The following NAA15 variants were observed in gnomAD, a reference collection of about 807,000 sequenced individuals.
NAA15 encodes N-terminal acetyltransferase.
In NAA15, 34 loss-of-function variants were observed where a neutral mutation model predicts 114.0. That is an observed-to-expected ratio of 0.30 (90% CI 0.23 to 0.40). The LOEUF is 0.40. Ranked by LOEUF, NAA15 falls within the 10% of genes least tolerant of loss-of-function variation. NAA15 has a pLI of 1.00. For missense variants in NAA15, 658 were observed against 1,004.5 expected, an observed-to-expected ratio of 0.66 and a Z score of 4.66; for synonymous variants, 340 against 338.0, an observed-to-expected ratio of 1.01 and a Z score of -0.06.
intron 1 of NAA15, among the ~76,000 whole-genome samples, chr4:139,305,449 T>G (rs903279360): frequency 2.0e-5 from 3 of 152,286 alleles, no homozygotes; most frequent in Admixed American, 2.0e-4. Flanking sequence ...AGATTTTTTT[T>G]TTTTTTGCCC....
In NAA15 at chr4:139,387,170, C is replaced by T. The variant is rs1461939933; in HGVS notation, c.2401-714C>T. Among the ~76,000 whole-genome samples, 3 of 152,140 alleles carry T rather than the reference C, an allele frequency of 2.0e-5. No homozygotes were observed. The East Asian group carries it at 5.8e-4, about 29-fold the overall frequency. ...GGATTTAAGTTGCTTTGTAACCTGG[C>T]AAAGTTTGTAGGGATTTTTGCATGT... On this transcript the variant is annotated intron_variant, in intron 19 of 19. Coordinates refer to ENST00000296543, the MANE Select transcript of NAA15 (RefSeq NM_057175.5).
rs1746348982 is a variant in NAA15, at chr4:139,315,012, TTAGGTTAGGTTAGG to T, written c.54+13183_54+13196del. Among the ~76,000 whole-genome samples the T allele has an allele frequency of 1.2e-4, 13 of 106,102 alleles. 1 individual carries two copies. The highest frequency in any genetic ancestry group is 2.8e-4 in the Admixed American group (3 of 10,774). 69.6% of individuals were successfully genotyped at this position (106,102 alleles called of 152,430 possible). ...TCAGTTCAGTTCAGTTTAGTTTAGG[TTAGGTTAGGTTAGG>T]TTAGGTTAGGTTAGGTTAGGTTAGG... On this transcript the variant is annotated intron_variant, in intron 1 of 19. Coordinates refer to ENST00000296543, the MANE Select transcript of NAA15 (RefSeq NM_057175.5).
At chr4:139,347,149 T>A (rs925815117) in intron 6 of NAA15, among the ~76,000 whole-genome samples, 9 of 152,186 alleles carry the variant, frequency 5.9e-5, no homozygotes, top group African/African-American at 1.9e-4. Context: ...TTGGCGCTGT[T>A]GACATTTTGG....
intron 1 of NAA15, among the ~76,000 whole-genome samples, chr4:139,325,506 G>A (rs923135839): frequency 2.0e-5 from 3 of 152,052 alleles, no homozygotes; most frequent in East Asian, 1.9e-4. Flanking sequence ...AAATGTTACC[G>A]AGGAGTCTCT....
intron 1 of NAA15, among the ~76,000 whole-genome samples, chr4:139,324,319 G>C (rs1746718137): frequency 6.6e-6 from 1 of 152,192 alleles, no homozygotes; most frequent in Non-Finnish European, 1.5e-5. Context: ...GTTAGATTTT[G>C]AACTAACATA....
chr4:139,390,241 G>C lies in NAA15; in HGVS notation c.*2157G>C, dbSNP rs945382485. On this transcript the variant is annotated 3_prime_UTR_variant, in exon 20 of 20. Transcript: ENST00000296543. ...CCGTGAGGAGCTAAATTCCTAATGT[G>C]TATTGTATTCCAACCCAATTTTACT... The C allele has an allele frequency of 6.6e-6, 1 of 152,624 alleles. No individual in the cohort carries two copies. The highest frequency in any genetic ancestry group is 2.4e-5 in the African/African-American group (1 of 41,442). The allele number at this position is 152,624 out of a possible 1,614,324, so 9.5% of individuals were successfully genotyped here. A position where few individuals can be genotyped will look rare whatever the true frequency, so the allele number is the denominator to read the frequency against.
rs1403254522 is a variant in NAA15 at position 139,330,545 on chromosome 4, A to C, written c.55-3629A>C. 5.3e-5 allele frequency among the ~76,000 whole-genome samples: 8 copies of C among 152,326 alleles called. No homozygotes were observed. The East Asian group carries it at 7.7e-4, about 15-fold the overall frequency. On this transcript the variant is annotated intron_variant, in intron 1 of 19. Transcript: ENST00000296543. ...CTGATAGGACCTACCAGAGGACAGAAGTATAAGGGAAGGAGAAGCACCAAA... is the reference window on the plus strand; with the variant it reads ...CTGATAGGACCTACCAGAGGACAGACGTATAAGGGAAGGAGAAGCACCAAA...
intron 1 of NAA15, among the ~76,000 whole-genome samples, chr4:139,323,053 CTTTT>C (rs67137305): frequency 1.0e-3 from 117 of 117,474 alleles, no homozygotes; most frequent in Non-Finnish European, 1.4e-3. Context: ...CTTTTCTTTT[CTTTT>C]TTTTTTTTTT....
At chr4:139,352,619 G>C (rs1747815530) in intron 9 of NAA15, among the ~76,000 whole-genome samples, 1 of 135,804 alleles carries the variant, frequency 7.4e-6, no homozygotes, top group African/African-American at 2.7e-5. Context: ...TTTGATTGCT[G>C]TTTCACTTGT....
chr4:139,355,574 T>C (rs1210104868), intron 10 of NAA15, among the ~76,000 whole-genome samples: 1 of 152,110 alleles, frequency 6.6e-6, no homozygotes, highest in Non-Finnish European at 1.5e-5. Context: ...TTTTAAAAAA[T>C]TAAATAAAAT....
rs538841439 is a variant in NAA15, at chr4:139,307,163, C to T, written c.54+5332C>T. ...TGAGAAATCTACCATTTGCCAGGCT[C>T]TGCTCTAGGTGCTTTAGAATAGCAC... On this transcript the variant is annotated intron_variant, in intron 1 of 19. Transcript: ENST00000296543. Among the ~76,000 whole-genome samples the T allele has an allele frequency of 1.6e-4, 25 of 152,326 alleles. 1 individual carries two copies. In the South Asian group the frequency reaches 4.6e-3, roughly 28 times the overall value.
chr4:139,346,315 T>A, intron 6 of NAA15, among the ~76,000 whole-genome samples: 1 of 152,192 alleles, frequency 6.6e-6, no homozygotes, highest in East Asian at 1.9e-4. Flanking sequence ...GAAATAAGGC[T>A]ATCAGCTCAT....
At chr4:139,328,488 G>A (rs1473970039) in intron 1 of NAA15, among the ~76,000 whole-genome samples, 1 of 151,856 alleles carries the variant, frequency 6.6e-6, no homozygotes, top group Non-Finnish European at 1.5e-5. Context: ...GATTACAGGC[G>A]TGAGCCACCA....
chr4:139,310,225 C>T (rs192106946), intron 1 of NAA15, among the ~76,000 whole-genome samples: 2,396 of 152,074 alleles, frequency 0.016, 63 homozygotes, highest in African/African-American at 0.052. Context: ...GAGGCCGAGG[C>T]GGGCGGATCA....
chr4:139,324,481 A>G (rs566736945), intron 1 of NAA15, among the ~76,000 whole-genome samples: 79 of 152,338 alleles, frequency 5.2e-4, no homozygotes, highest in African/African-American at 1.8e-3. Flanking sequence ...GTTTAATGCA[A>G]TGATTCTTCT....
intron 5 of NAA15, 104 bp from the exon 6 acceptor site, chr4:139,344,082 C>A: frequency 1.0e-6 from 1 of 984,344 alleles, no homozygotes; most frequent in Non-Finnish European, 1.5e-6. Context: ...TTTTATCAAC[C>A]GGATGTTATC....
Position 139,371,045 on chromosome 4 carries a change from T to G in NAA15, c.1947+641T>G, listed in dbSNP as rs189302643. ...AACCATTTTGATTAATAACATTCCT[T>G]TGTCCTTTCTTTTGACCCTAGACAT... On this transcript the variant is annotated intron_variant, in intron 15 of 19. Coordinates refer to ENST00000296543, the MANE Select transcript of NAA15 (RefSeq NM_057175.5). Among the ~76,000 whole-genome samples, 6 of 152,330 alleles carry G rather than the reference T, an allele frequency of 3.9e-5. No homozygotes were observed. In the East Asian group the frequency reaches 1.2e-3, roughly 29 times the overall value.
rs766974902 is a variant in NAA15, at chr4:139,378,729, A to G, written c.2057-27A>G. On this transcript the variant is annotated intron_variant, in intron 16 of 19. Coordinates refer to ENST00000296543, the MANE Select transcript of NAA15 (RefSeq NM_057175.5). ...AGGAGGCCTCTTATCCAATGATCAA[A>G]ATATATCTTACTTTCTCTTTTTATA... The G allele has an allele frequency of 6.7e-5, 98 of 1,460,018 alleles. No homozygotes were observed. In the South Asian group the frequency reaches 1.2e-3, roughly 18 times the overall value. 90.4% of individuals were successfully genotyped at this position (1,460,018 alleles called of 1,614,324 possible).
intron 1 of NAA15, among the ~76,000 whole-genome samples, chr4:139,327,235 C>CT (rs1327447103): frequency 2.0e-5 from 3 of 152,080 alleles, no homozygotes; most frequent in African/African-American, 7.2e-5. Context: ...CCGTGCCAGG[C>CT]CAGTAAATCT....
Sources: allele counts gnomAD v4.1 joint callset (sites outside exome capture counted in the v4.1 genomes callset), GRCh38; gene constraint gnomAD v4.1.1; transcripts MANE v1.5; gene names NCBI Gene and HGNC (gene_info 2026-07-23, HGNC 2026-07-21).